Variants in PPP1R9A observed in about 807,000 individuals in gnomAD.
The protein encoded by PPP1R9A is protein phosphatase 1 regulatory subunit 9A.
PPP1R9A carries 59 observed loss-of-function variants against 141.9 expected under a neutral mutation model. That is an observed-to-expected ratio of 0.42 (90% CI 0.34 to 0.52). The LOEUF is 0.52. PPP1R9A is among the 20% of genes least tolerant of loss of function. The probability of loss-of-function intolerance (pLI) is 0.10; values close to 1 mark genes in which losing one functional copy is unlikely to be tolerated. For missense variants in PPP1R9A, 1,444 were observed against 1,611.9 expected (o/e 0.90, Z 1.78); for synonymous variants, 500 against 569.7 (o/e 0.88, Z 1.74).
chr7:95,281,101 G>A (rs1421587189), intron 16 of PPP1R9A, among the ~76,000 whole-genome samples: 1 of 152,096 alleles, frequency 6.6e-6, no homozygotes, highest in Non-Finnish European at 1.5e-5. Context: ...CTCTAGGTCC[G>A]AGAAATGAAA....
At chr7:95,103,638 G>A (rs1819121090) in intron 2 of PPP1R9A, among the ~76,000 whole-genome samples, 2 of 152,258 alleles carry the variant, frequency 1.3e-5, no homozygotes, top group Admixed American at 6.5e-5. Flanking sequence ...AAAGTGCTGG[G>A]ATTACAGGCG....
At position 95,290,314 on chromosome 7, in the gene PPP1R9A, C is replaced by G. The variant is rs747186795; in HGVS notation, c.*11C>G. On this transcript the variant is annotated 3_prime_UTR_variant, in exon 20 of 20. Transcript: ENST00000433360. ...GCTGGTGAGCAGTAACACATACCCT[C>G]TTACAGATGATGGAGATGCTCCAAG... 6 of 1,602,110 alleles carry G rather than the reference C, an allele frequency of 3.7e-6. No individual in the cohort carries two copies. Among genetic ancestry groups the G allele is most frequent in the Admixed American group, 1.7e-5 (1 of 58,334 alleles).
chr7:95,072,636 TAA>T (rs1204851413), intron 2 of PPP1R9A, among the ~76,000 whole-genome samples: 12 of 125,988 alleles, frequency 9.5e-5, no homozygotes, highest in African/African-American at 3.6e-4. Context: ...TGAAATTTTA[TAA>T]TATATAATAT....
chr7:95,214,896 T>C (rs939916456), intron 7 of PPP1R9A, among the ~76,000 whole-genome samples: 1 of 152,142 alleles, frequency 6.6e-6, no homozygotes, highest in Non-Finnish European at 1.5e-5. Flanking sequence ...ATGAGTAATC[T>C]AGAGAAGGAT....
chr7:95,094,464 A>G (rs1473660107), intron 2 of PPP1R9A, among the ~76,000 whole-genome samples: 1 of 152,170 alleles, frequency 6.6e-6, no homozygotes, highest in African/African-American at 2.4e-5. Flanking sequence ...CAGTGATGTG[A>G]TTAGAGCCAC....
chr7:94,913,513 T>C (rs1049152516), intron 2 of PPP1R9A, among the ~76,000 whole-genome samples: 5 of 152,170 alleles, frequency 3.3e-5, no homozygotes, highest in Admixed American at 2.0e-4. Context: ...GTATTGCATT[T>C]GATTGGGCAG....
chr7:95,236,366 A>G (rs977685214), intron 8 of PPP1R9A, among the ~76,000 whole-genome samples: 2 of 152,106 alleles, frequency 1.3e-5, no homozygotes, highest in Non-Finnish European at 1.5e-5. Context: ...CTAACCTTAT[A>G]TAAACCATCT....
chr7:94,955,407 G>C (rs1179193034), intron 2 of PPP1R9A, among the ~76,000 whole-genome samples: 5 of 152,204 alleles, frequency 3.3e-5, no homozygotes, highest in African/African-American at 1.2e-4. Context: ...GGATAATCAA[G>C]AATAACCTGT....
At chr7:94,970,152 G>T in intron 2 of PPP1R9A, among the ~76,000 whole-genome samples, 1 of 152,128 alleles carries the variant, frequency 6.6e-6, no homozygotes, top group South Asian at 2.1e-4. Flanking sequence ...TCCAGGGAGT[G>T]AACGGTTCTG....
chr7:94,974,248 A>C lies in PPP1R9A; in HGVS notation c.1395+62740A>C, dbSNP rs1584463642. Among the ~76,000 whole-genome samples, 3 of 152,222 alleles carry C rather than the reference A, an allele frequency of 2.0e-5. No homozygotes were observed. The East Asian group carries it at 5.8e-4, about 29-fold the overall frequency. ...ATTTTGGCAGGTTGGGTAAGAGGAC[A>C]GAAATTGCATTTTTAAAGGCAGTCT... On this transcript the variant is annotated intron_variant, in intron 2 of 19. Coordinates refer to ENST00000433360, the MANE Select transcript of PPP1R9A (RefSeq NM_001166160.2).
intron 2 of PPP1R9A, among the ~76,000 whole-genome samples, chr7:94,968,848 C>T (rs1029843717): frequency 1.3e-5 from 2 of 151,876 alleles, no homozygotes; most frequent in African/African-American, 4.8e-5. Flanking sequence ...CCTTTTGATT[C>T]TTTTTTCTCT....
intron 2 of PPP1R9A, among the ~76,000 whole-genome samples, chr7:94,948,064 G>C (rs1373226822): frequency 6.6e-6 from 1 of 152,032 alleles, no homozygotes; most frequent in African/African-American, 2.4e-5. Flanking sequence ...CTGATGTCGT[G>C]TTCTCCTTTT....
At chr7:95,280,894 G>A (rs1237723745) in intron 16 of PPP1R9A, among the ~76,000 whole-genome samples, 4 of 152,130 alleles carry the variant, frequency 2.6e-5, no homozygotes, top group Non-Finnish European at 5.9e-5. Context: ...TATTCCTAAT[G>A]GATTTCTCCA....
At chr7:94,958,481 C>T (rs1033364121) in intron 2 of PPP1R9A, among the ~76,000 whole-genome samples, 1 of 152,026 alleles carries the variant, frequency 6.6e-6, no homozygotes, top group Non-Finnish European at 1.5e-5. Flanking sequence ...AAATATTCAC[C>T]AAGTGAATGG....
intron 5 of PPP1R9A, among the ~76,000 whole-genome samples, chr7:95,180,810 A>T (rs570290062): frequency 0.042 from 6,431 of 152,242 alleles, 474 homozygotes; most frequent in African/African-American, 0.15. Flanking sequence ...GCAAATCAAA[A>T]CCACAGTGTG....
At chr7:95,145,434 A>G (rs1827428725) in intron 4 of PPP1R9A, among the ~76,000 whole-genome samples, 1 of 152,240 alleles carries the variant, frequency 6.6e-6, no homozygotes, top group South Asian at 2.1e-4. Context: ...ATTAAAAGTT[A>G]AAACCACAAA....
At chr7:95,243,071 C>T (rs1439234063) in intron 8 of PPP1R9A, among the ~76,000 whole-genome samples, 1 of 152,156 alleles carries the variant, frequency 6.6e-6, no homozygotes, top group African/African-American at 2.4e-5. Context: ...TGTCGAGGTC[C>T]TTCACCCCTG....
intron 8 of PPP1R9A, among the ~76,000 whole-genome samples, chr7:95,239,454 A>T (rs975673697): frequency 3.9e-5 from 6 of 152,110 alleles, no homozygotes; most frequent in African/African-American, 1.4e-4. Context: ...AGCTATTCAG[A>T]GGGCTGAGGT....
intron 3 of PPP1R9A, among the ~76,000 whole-genome samples, chr7:95,117,715 C>T (rs1352500179): frequency 2.6e-5 from 4 of 151,970 alleles, no homozygotes; most frequent in South Asian, 2.1e-4. Flanking sequence ...GCCTTTTGTA[C>T]GGTAATGAGT....
Sources: gnomAD v4.1 joint callset for allele counts (sites outside exome capture counted in the v4.1 genomes callset) on GRCh38, gnomAD v4.1.1 for gene constraint, MANE v1.5 for transcripts, NCBI Gene and HGNC (gene_info 2026-07-23, HGNC 2026-07-21) for gene names.